SLC35F4: variants seen among roughly 807,000 people sequenced by gnomAD.
SLC35F4 encodes solute carrier family 35 member F4.
SLC35F4 carries 24 observed loss-of-function variants against 44.2 expected under a neutral mutation model. The observed-to-expected ratio is 0.54, with a 90% CI of 0.39 to 0.76. SLC35F4 has a LOEUF of 0.76. SLC35F4 is among the 30% of genes least tolerant of loss of function. The pLI, the probability that SLC35F4 is intolerant of heterozygous loss-of-function variation, is 0.00. For missense variants in SLC35F4, 562 were observed against 586.1 expected (o/e 0.96, Z 0.42); for synonymous variants, 238 against 223.6 (o/e 1.06, Z -0.57).
chr14:57,604,014 C>T (rs1029783327), intron 1 of SLC35F4: 2 of 152,218 alleles, frequency 1.3e-5, no homozygotes, highest in Non-Finnish European at 2.9e-5. Flanking sequence ...TTCCCACTAG[C>T]TTCCCTGTAA....
chr14:57,569,667 A>T, intron 6 of SLC35F4, 121 bp downstream of exon 6: 1 of 1,149,152 alleles, frequency 8.7e-7, no homozygotes. Flanking sequence ...ACGACATTGA[A>T]CAACATAAGT....
intron 1 of SLC35F4, among the ~76,000 whole-genome samples, chr14:57,758,797 T>G (rs941861975): frequency 6.6e-6 from 1 of 152,206 alleles, no homozygotes; most frequent in Non-Finnish European, 1.5e-5. Context: ...TAAAAAATTC[T>G]ATATAATAAA....
intron 3 of SLC35F4, among the ~76,000 whole-genome samples, chr14:57,585,556 C>T (rs1456527443): frequency 6.6e-6 from 1 of 152,142 alleles, no homozygotes; most frequent in Non-Finnish European, 1.5e-5. Context: ...CAAATTGTCT[C>T]TGTTTGCAGA....
intron 1 of SLC35F4, among the ~76,000 whole-genome samples, chr14:57,634,413 A>G (rs1282679782): frequency 6.6e-6 from 1 of 152,110 alleles, no homozygotes; most frequent in Admixed American, 6.6e-5. Flanking sequence ...AGTCATGTAA[A>G]CACATTTGGG....
intron 1 of SLC35F4, among the ~76,000 whole-genome samples, chr14:57,647,161 A>T (rs2073565320): frequency 6.6e-6 from 1 of 151,192 alleles, no homozygotes; most frequent in African/African-American, 2.4e-5. Context: ...AGCTGAGTTC[A>T]ATTCCTGGAT....
intron 1 of SLC35F4, among the ~76,000 whole-genome samples, chr14:57,692,551 C>G (rs1290857327): frequency 6.6e-6 from 1 of 152,074 alleles, no homozygotes; most frequent in African/African-American, 2.4e-5. Context: ...ATAACATTTT[C>G]TTTCTATTTC....
chr14:57,750,543 A>C (rs990620422), intron 1 of SLC35F4, among the ~76,000 whole-genome samples: 1 of 152,124 alleles, frequency 6.6e-6, no homozygotes, highest in Non-Finnish European at 1.5e-5. Flanking sequence ...CCAACATCTA[A>C]TATGTTTTCT....
chr14:57,938,864 A>G (rs1424367633), intron 1 of SLC35F4, among the ~76,000 whole-genome samples: 2 of 152,144 alleles, frequency 1.3e-5, no homozygotes, highest in Non-Finnish European at 1.5e-5. Context: ...GCAAAAAAAG[A>G]TTGAGATATA....
At chr14:57,656,860 T>A (rs1200254813) in intron 1 of SLC35F4, among the ~76,000 whole-genome samples, 3 of 152,222 alleles carry the variant, frequency 2.0e-5, no homozygotes, top group African/African-American at 7.2e-5. Context: ...CTCCCCCATC[T>A]GTGCTTCTGT....
chr14:57,651,526 A>T (rs897918725), intron 1 of SLC35F4, among the ~76,000 whole-genome samples: 11 of 152,102 alleles, frequency 7.2e-5, no homozygotes, highest in Non-Finnish European at 1.3e-4. Flanking sequence ...GAGAGTCCTC[A>T]GTTTCCAAAG....
At chr14:57,602,166 T>TAA (rs35032895) in intron 1 of SLC35F4, among the ~76,000 whole-genome samples, 12 of 145,732 alleles carry the variant, frequency 8.2e-5, no homozygotes, top group African/African-American at 2.7e-4. Flanking sequence ...GCCTGGATGG[T>TAA]AAAAAAAAAA....
At chr14:57,678,076 T>C (rs1032657360) in intron 1 of SLC35F4, among the ~76,000 whole-genome samples, 2 of 151,920 alleles carry the variant, frequency 1.3e-5, no homozygotes, top group East Asian at 1.9e-4. Context: ...AATCATCAGA[T>C]TCGCCAAGGT....
intron 1 of SLC35F4, among the ~76,000 whole-genome samples, chr14:57,702,590 A>G (rs1198499998): frequency 6.6e-6 from 1 of 152,190 alleles, no homozygotes; most frequent in Non-Finnish European, 1.5e-5. Context: ...TGCCTCTGTC[A>G]TAAGGGTGAA....
intron 1 of SLC35F4, among the ~76,000 whole-genome samples, chr14:57,884,576 T>G (rs902797630): frequency 6.6e-6 from 1 of 152,190 alleles, no homozygotes; most frequent in Non-Finnish European, 1.5e-5. Context: ...TTTCAAAGCT[T>G]CTAATGTATT....
chr14:57,858,675 A>G (rs1043845822), intron 1 of SLC35F4, among the ~76,000 whole-genome samples: 4 of 151,390 alleles, frequency 2.6e-5, no homozygotes, highest in African/African-American at 9.8e-5. Flanking sequence ...AACTTAAAGT[A>G]TAATTTTAAA....
intron 1 of SLC35F4, among the ~76,000 whole-genome samples, chr14:57,909,434 G>A (rs557420238): frequency 2.2e-4 from 34 of 151,562 alleles, no homozygotes; most frequent in Admixed American, 3.9e-4. Context: ...AATCCTCAAT[G>A]CTCCACCAAT....
At chr14:57,656,718 A>G (rs756175597) in intron 1 of SLC35F4, among the ~76,000 whole-genome samples, 25 of 152,252 alleles carry the variant, frequency 1.6e-4, no homozygotes, top group South Asian at 6.2e-4. Context: ...AAGTATACCT[A>G]TATAATACAC....
chr14:57,631,553 G>T (rs982596951), intron 1 of SLC35F4, among the ~76,000 whole-genome samples: 4 of 152,048 alleles, frequency 2.6e-5, no homozygotes, highest in African/African-American at 9.7e-5. Context: ...ATCAAAATTT[G>T]CCTGCCTCGT....
intron 1 of SLC35F4, among the ~76,000 whole-genome samples, chr14:57,841,282 C>T (rs1885455418): frequency 6.6e-6 from 1 of 152,042 alleles, no homozygotes; most frequent in Non-Finnish European, 1.5e-5. Flanking sequence ...CAGAAAATCT[C>T]GTAGTAGGTA....
Sources: gnomAD v4.1 joint callset for allele counts (sites outside exome capture counted in the v4.1 genomes callset) on GRCh38, gnomAD v4.1.1 for gene constraint, MANE v1.5 for transcripts, NCBI Gene and HGNC (gene_info 2026-07-23, HGNC 2026-07-21) for gene names.